The following ZFHX2 variants were observed in gnomAD, a reference collection of about 807,000 sequenced individuals.
ZFHX2 encodes zinc finger homeobox protein 2.
In ZFHX2, 75 loss-of-function variants were observed where a neutral mutation model predicts 164.8. The observed-to-expected ratio is 0.46, with a 90% confidence interval of 0.38 to 0.55. The LOEUF is 0.55. ZFHX2 is among the 20% of genes least tolerant of loss of function. The probability of loss-of-function intolerance (pLI) is 0.00; values close to 1 mark genes in which losing one functional copy is unlikely to be tolerated. For missense variants in ZFHX2, 2,933 were observed against 3,308.0 expected (o/e 0.89, Z 2.78); for synonymous variants, 1,217 against 1,351.4 (o/e 0.90, Z 2.18).
Position 23,523,163 on chromosome 14 carries a change from T to A in ZFHX2, c.6739+40A>T, listed in dbSNP as rs766627707. 7.1e-7 allele frequency: 1 copy of A among 1,408,774 alleles called. No individual in the cohort carries two copies. Among genetic ancestry groups the A allele is most frequent in the African/African-American group, 1.4e-5 (1 of 69,194 alleles). 87.3% of individuals were successfully genotyped at this position (1,408,774 alleles called of 1,614,324 possible). On this transcript the variant is annotated intron_variant, in intron 9 of 9. Transcript: ENST00000419474. The surrounding 1 kb of genome is among the most constrained non-coding windows in gnomAD (Gnocchi z 4.1). Reference sequence around the variant, plus strand: ...GGAAGGGCATGTCATTAGAGGGGGATGTTCTCTGAAGTCCAGCTCCTCCCA... The same window carrying A: ...GGAAGGGCATGTCATTAGAGGGGGAAGTTCTCTGAAGTCCAGCTCCTCCCA...
Position 23,524,700 on chromosome 14 carries a change from C to G in ZFHX2, c.5242G>C (p.Glu1748Gln). The change falls in exon 9 of 10, where the codon GAG (glutamate) becomes CAG (glutamine). Residue 1748 changes from glutamate to glutamine, a missense_variant. By Grantham distance (29) the Glu-to-Gln change is conservative. Coordinates refer to ENST00000419474, the MANE Select transcript of ZFHX2 (RefSeq NM_033400.3). The surrounding 1 kb of genome is among the most constrained non-coding windows in gnomAD (Gnocchi z 5.6). ...PPDGEELSQAEATKAGGKEPE... is the reference protein window; with the variant it reads ...PPDGEELSQAQATKAGGKEPE... ...TCTTTGCCTCCTGCCTTTGTTGCCT[C>G]TGCTTGGCTCAGCTCCTCCCCATCT... The G allele has an allele frequency of 6.5e-7, 1 of 1,536,298 alleles. No individual in the cohort carries two copies. Among genetic ancestry groups the G allele is most frequent in the Non-Finnish European group, 8.7e-7 (1 of 1,146,932 alleles).
intron 1 of ZFHX2, among the ~76,000 whole-genome samples, chr14:23,536,801 C>A (rs1357284366): frequency 6.6e-6 from 1 of 152,124 alleles, no homozygotes; most frequent in East Asian, 1.9e-4. Context: ...TAGACTGTCC[C>A]TTGGACACAA....
In ZFHX2 at chr14:23,532,942, G is replaced by A. The variant is rs1049950264; in HGVS notation, c.2184C>T (p.Ser728=). 3 of 1,536,196 alleles carry A rather than the reference G, an allele frequency of 2.0e-6. No individual in the cohort carries two copies. The highest frequency in any genetic ancestry group is 2.6e-6 in the Non-Finnish European group (3 of 1,146,918). ...VFRCLVCQAF[S]TDSLELLLYH... ...AGAGCAGCAGCTCCAGGCTGTCTGT[G>A]CTGAAGGCCTGGCACACTAGGCAGC... is the stretch of plus-strand genomic sequence containing the variant. The change falls in exon 3 of 10, where the codon AGC becomes AGT. Residue 728 remains serine, a synonymous_variant. Transcript: ENST00000419474.
chr14:23,533,467 G>C lies in ZFHX2; in HGVS notation c.1859C>G (p.Pro620Arg), dbSNP rs1323960708. The C allele has an allele frequency of 1.0e-5, 16 of 1,535,176 alleles. No individual in the cohort carries two copies. Among genetic ancestry groups the C allele is most frequent in the East Asian group, 2.4e-5 (1 of 40,898 alleles). The change falls in exon 2 of 10, where the codon CCA becomes CGA. Residue 620 changes from proline (P) to arginine (R), a missense_variant. Physicochemically the swap from Pro to Arg is moderately radical, Grantham distance 103. Transcript: ENST00000419474. This position sits in a 1 kb window ranked among gnomAD's most constrained non-coding sequence, Gnocchi z 4.8. Reference sequence around the variant, plus strand: ...GGGGCTAGTGGGGGTAGCCCCTGGTGGGGGAGGAGGGCCTGGCCCCATCAA... The same window carrying C: ...GGGGCTAGTGGGGGTAGCCCCTGGTCGGGGAGGAGGGCCTGGCCCCATCAA... ...PGLMGPGPPPPPGATPTSPPE... is the reference protein window; with the variant it reads ...PGLMGPGPPPRPGATPTSPPE...
In ZFHX2 at chr14:23,534,173, G is replaced by A; in HGVS notation, c.1153C>T (p.Leu385Phe). 6.8e-7 allele frequency: 1 copy of A among 1,474,310 alleles called. No homozygotes were observed. The highest frequency in any genetic ancestry group is 9.0e-7 in the Non-Finnish European group (1 of 1,116,584). 91.3% of individuals were successfully genotyped at this position (1,474,310 alleles called of 1,614,324 possible). Residue 385 changes from leucine (L) to phenylalanine (F), a missense_variant, in exon 2 of 10, where the codon CTC becomes TTC. Leu to Phe is a conservative substitution (Grantham distance 22, BLOSUM62 0). Coordinates refer to ENST00000419474, the MANE Select transcript of ZFHX2 (RefSeq NM_033400.3). This position sits in a 1 kb window ranked among gnomAD's most constrained non-coding sequence, Gnocchi z 4.5. Reference sequence around the variant, plus strand: ...GAGCTTTGGTTGAGTGGGGGGCAGAGCCCTCCATCCTCTTCTTGCCCCTCA... The same window carrying A: ...GAGCTTTGGTTGAGTGGGGGGCAGAACCCTCCATCCTCTTCTTGCCCCTCA... ...FPEGQEEDGG[L>F]CPPLNQSSPT...
chr14:23,526,348 C>T lies in ZFHX2; in HGVS notation c.3594G>A (p.Glu1198=), dbSNP rs367829080. 1.3e-6 allele frequency: 2 copies of T among 1,536,322 alleles called. No homozygotes were observed. The highest frequency in any genetic ancestry group is 1.4e-5 in the African/African-American group (1 of 73,152). Reference sequence around the variant, plus strand: ...ACAGAATATTCTTCTGGGTGAAGGACTCCTTACACACAGTGCACTTATAGG... The same window carrying T: ...ACAGAATATTCTTCTGGGTGAAGGATTCCTTACACACAGTGCACTTATAGG... ...ARPYKCTVCK[E]SFTQKNILLV... The change falls in exon 9 of 10, where the codon GAG becomes GAA. Residue 1198 remains glutamate (E), a synonymous_variant. Coordinates refer to ENST00000419474, the MANE Select transcript of ZFHX2 (RefSeq NM_033400.3).
intron 1 of ZFHX2, among the ~76,000 whole-genome samples, chr14:23,539,341 T>C (rs3783438): frequency 0.17 from 25,690 of 151,816 alleles, 2,451 homozygotes; most frequent in Admixed American, 0.28. Context: ...CAAAAAAATA[T>C]ATACAGTCGT....
chr14:23,522,360 C>T lies in ZFHX2; in HGVS notation c.7321G>A (p.Gly2441Ser). The change falls in exon 10 of 10, where the codon GGC becomes AGC. Residue 2441 changes from glycine (G) to serine (S), a missense_variant. By Grantham distance (56) the Gly-to-Ser change is moderately conservative. Transcript: ENST00000419474. Reference protein sequence around the residue: ...EVDELLTGSTGISTVDVTHRY... With the variant: ...EVDELLTGSTSISTVDVTHRY... ...TGGGTTACATCCACGGTGGAGATGC[C>T]AGTGCTGCCTGTCAGCAGCTCATCA... 6.5e-7 allele frequency: 1 copy of T among 1,536,006 alleles called. No individual in the cohort carries two copies. Among genetic ancestry groups the T allele is most frequent in the East Asian group, 2.4e-5 (1 of 40,916 alleles).
chr14:23,533,693 C>T lies in ZFHX2; in HGVS notation c.1633G>A (p.Gly545Arg). 1 of 1,539,724 alleles carries T rather than the reference C, an allele frequency of 6.5e-7. No homozygotes were observed. The highest frequency in any genetic ancestry group is 8.7e-7 in the Non-Finnish European group (1 of 1,148,714). The change falls in exon 2 of 10, where the codon GGG (glycine) becomes AGG (arginine). Residue 545 changes from glycine to arginine, a missense_variant. Transcript: ENST00000419474. This position sits in a 1 kb window ranked among gnomAD's most constrained non-coding sequence, Gnocchi z 4.8. ...GATGCCTCTGGTGGACTTCCCTGCC[C>T]ACCAGGGCCCGCCTGGAAGCCCTGT... ...NLQGFQAGPG[G>R]QGSPPEASLP...
chr14:23,526,784 C>A (rs773046451), intron 8 of ZFHX2, 63 bp downstream of exon 8: 2 of 1,525,488 alleles, frequency 1.3e-6, no homozygotes, highest in South Asian at 1.2e-5. Context: ...CATCTTCAGA[C>A]CTTGTTGGCC....
chr14:23,545,053 A>G (rs988038123), intron 1 of ZFHX2, among the ~76,000 whole-genome samples: 5 of 150,458 alleles, frequency 3.3e-5, no homozygotes, highest in African/African-American at 1.2e-4. Flanking sequence ...CCTCTAGTCA[A>G]TTTGTCCTCC....
rs968069087 is a variant in ZFHX2, at chr14:23,524,385, C to T, written c.5557G>A (p.Glu1853Lys). ...CGCAGGCGCTTGTCCCTGGGGGGCT[C>T]GCCCTCCCCTCCTCCCCCTGCTTCA... is the stretch of plus-strand genomic sequence containing the variant. Reference protein sequence around the residue: ...GSEAGGGGEGEPPRDKRLRTT... With the variant: ...GSEAGGGGEGKPPRDKRLRTT... Residue 1853 changes from glutamate to lysine, a missense_variant, in exon 9 of 10, where the codon GAG (glutamate) becomes AAG (lysine). Coordinates refer to ENST00000419474, the MANE Select transcript of ZFHX2 (RefSeq NM_033400.3). The surrounding 1 kb of genome is among the most constrained non-coding windows in gnomAD (Gnocchi z 5.6). The T allele has an allele frequency of 7.1e-5, 109 of 1,536,064 alleles. No individual in the cohort carries two copies. Among genetic ancestry groups the T allele is most frequent in the Non-Finnish European group, 9.2e-5 (106 of 1,146,922 alleles).
chr14:23,543,797 T>G (rs1316641427), intron 1 of ZFHX2: 1 of 152,126 alleles, frequency 6.6e-6, no homozygotes, highest in Non-Finnish European at 1.5e-5. Flanking sequence ...GCATATGAAC[T>G]TCATCAGACA....
At position 23,533,653 on chromosome 14, in the gene ZFHX2, G is replaced by T. The variant is rs1001484865; in HGVS notation, c.1673C>A (p.Ala558Glu). The change falls in exon 2 of 10, where the codon GCG becomes GAG. Residue 558 changes from alanine (A) to glutamate (E), a missense_variant. Ala to Glu is a moderately radical substitution (Grantham distance 107, BLOSUM62 -1). Transcript: ENST00000419474. The surrounding 1 kb of genome is among the most constrained non-coding windows in gnomAD (Gnocchi z 4.8). ...SPPEASLPPS[A>E]GDKEPKTKSS... ...TTTGGTCTTAGGCTCTTTGTCTCCC[G>T]CGGAGGGTGGGAGTGATGCCTCTGG... is the stretch of plus-strand genomic sequence containing the variant. 6 of 1,537,008 alleles carry T rather than the reference G, an allele frequency of 3.9e-6. No homozygotes were observed. Among genetic ancestry groups the T allele is most frequent in the Admixed American group, 2.0e-5 (1 of 51,014 alleles).
In ZFHX2 at chr14:23,524,693, G is replaced by A. The variant is rs1364393089; in HGVS notation, c.5249C>T (p.Thr1750Ile). ...DGEELSQAEA[T>I]KAGGKEPEEK... is the part of the protein sequence containing the mutation. ...TTCAGGCTCTTTGCCTCCTGCCTTT[G>A]TTGCCTCTGCTTGGCTCAGCTCCTC... is the stretch of plus-strand genomic sequence containing the variant. Residue 1750 changes from threonine to isoleucine, a missense_variant, in exon 9 of 10, where the codon ACA (threonine) becomes ATA (isoleucine). By Grantham distance (89) the Thr-to-Ile change is moderately conservative. Transcript: ENST00000419474. This position sits in a 1 kb window ranked among gnomAD's most constrained non-coding sequence, Gnocchi z 5.6. The A allele has an allele frequency of 6.5e-7, 1 of 1,536,302 alleles. No homozygotes were observed. Among genetic ancestry groups the A allele is most frequent in the Non-Finnish European group, 8.7e-7 (1 of 1,146,918 alleles).
In ZFHX2 at chr14:23,522,120, G is replaced by T. The variant is rs759491953; in HGVS notation, c.7561C>A (p.Arg2521Ser). The T allele has an allele frequency of 1.3e-6, 2 of 1,532,150 alleles. No homozygotes were observed. Among genetic ancestry groups the T allele is most frequent in the East Asian group, 2.4e-5 (1 of 40,908 alleles). 94.9% of individuals were successfully genotyped at this position (1,532,150 alleles called of 1,614,324 possible). Residue 2521 changes from arginine (R) to serine (S), a missense_variant, in exon 10 of 10, where the codon CGC becomes AGC. Arg to Ser is a moderately radical substitution (Grantham distance 110). Coordinates refer to ENST00000419474, the MANE Select transcript of ZFHX2 (RefSeq NM_033400.3). ...CCCCCTTGAGGTGGGGCTGCCTTGCGCCTGTGGGCCGAGGAGCGCAGGTGG... is the reference window on the plus strand; with the variant it reads ...CCCCCTTGAGGTGGGGCTGCCTTGCTCCTGTGGGCCGAGGAGCGCAGGTGG... The part of the protein sequence containing the change: ...ASHLRSSAHR[R>S]KAAPPQGGPP...
rs1052951264 is a variant in ZFHX2, at chr14:23,531,664, G to A, written c.2617C>T (p.Leu873=). ...GAGGGTGTCTCCCACGCACACAACA[G>A]GCAGTGGTATAGCCCCAGCTCTGCC... ...AGAELGLYHC[L]LCAWETPSRL... The change falls in exon 4 of 10, where the codon CTG becomes TTG. Residue 873 remains leucine (L), a synonymous_variant. Transcript: ENST00000419474. 30 of 1,496,506 alleles carry A rather than the reference G, an allele frequency of 2.0e-5. No homozygotes were observed. The African/African-American group carries it at 4.1e-4, about 21-fold the overall frequency. 92.7% of individuals were successfully genotyped at this position (1,496,506 alleles called of 1,614,324 possible).
At position 23,534,515 on chromosome 14, in the gene ZFHX2, G is replaced by A; in HGVS notation, c.811C>T (p.Leu271=). Residue 271 remains leucine, a synonymous_variant, in exon 2 of 10, where the codon CTG becomes TTG. Transcript: ENST00000419474. The surrounding 1 kb of genome is among the most constrained non-coding windows in gnomAD (Gnocchi z 4.5). ...VKLTPAQYQG[L]SGSPAVLQEG... Reference sequence around the variant, plus strand: ...TGGAGTACAGCTGGGCTACCTGACAGGCCCTGATATTGGGCAGGGGTTAGC... The same window carrying A: ...TGGAGTACAGCTGGGCTACCTGACAAGCCCTGATATTGGGCAGGGGTTAGC... 1 of 1,536,166 alleles carries A rather than the reference G, an allele frequency of 6.5e-7. No individual in the cohort carries two copies. The highest frequency in any genetic ancestry group is 1.2e-5 in the South Asian group (1 of 84,060).
chr14:23,549,062 C>T (rs1595196473), intron 1 of ZFHX2, among the ~76,000 whole-genome samples: 1 of 152,046 alleles, frequency 6.6e-6, no homozygotes, highest in Non-Finnish European at 1.5e-5. Flanking sequence ...GCAATTCCTC[C>T]CTTCCCCCTC....
Sources: gnomAD v4.1 joint callset for allele counts (sites outside exome capture counted in the v4.1 genomes callset) on GRCh38, gnomAD v4.1.1 for gene constraint, Gnocchi (gnomAD v3.1) non-coding constraint, MANE v1.5 for transcripts, NCBI Gene and HGNC (gene_info 2026-07-23, HGNC 2026-07-21) for gene names.